TRIM28: variants seen among roughly 807,000 people sequenced by gnomAD.
TRIM28 encodes the protein tripartite motif containing 28.
Under a neutral mutation model 87.4 loss-of-function variants are expected in TRIM28, and 8 were observed. That is an observed-to-expected ratio of 0.09 (90% CI 0.05 to 0.17). The LOEUF (loss-of-function observed/expected upper bound fraction) is 0.17, where lower values mean the gene tolerates loss of function less well. Ranked by LOEUF, TRIM28 falls within the 10% of genes least tolerant of loss-of-function variation. The probability of loss-of-function intolerance (pLI) is 1.00; values close to 1 mark genes in which losing one functional copy is unlikely to be tolerated. For missense variants in TRIM28, 968 were observed against 1,131.8 expected, an observed-to-expected ratio of 0.86 and a Z score of 2.08; for synonymous variants, 601 against 454.3, an observed-to-expected ratio of 1.32 and a Z score of -4.11.
chr19:58,547,205 C>G (rs1279153332), intron 3 of TRIM28, 171 bp from the exon 4 acceptor site: 5 of 685,564 alleles, frequency 7.3e-6, no homozygotes, highest in Non-Finnish European at 1.2e-5. Context: ...ATTCTGGGAG[C>G]AAGGAGTTGG....
intron 3 of TRIM28, among the ~76,000 whole-genome samples, chr19:58,546,385 C>T (rs376093110): frequency 1.3e-5 from 2 of 152,264 alleles, no homozygotes; most frequent in African/African-American, 4.8e-5. Flanking sequence ...TTGGCATTTC[C>T]AGCTTTTCAC....
intron 15 of TRIM28, 53 bp downstream of exon 15, chr19:58,550,088 C>T (rs560181267): frequency 7.7e-5 from 124 of 1,613,464 alleles, no homozygotes; most frequent in Non-Finnish European, 1.0e-4. Flanking sequence ...GGGTCTCGCC[C>T]TCAACCTGTG....
In TRIM28 at chr19:58,550,004, A is replaced by G. The variant is rs1568663130; in HGVS notation, c.2162A>G (p.His721Arg). Residue 721 changes from histidine to arginine, a missense_variant, in exon 15 of 17, where the codon CAT becomes CGT. His to Arg is a conservative substitution (Grantham distance 29). Transcript: ENST00000253024. ...LFCHEPCRPL[H>R]QLATDSTFSL... ...TGTCACGAACCCTGCCGCCCCCTGC[A>G]TCAGCTGGCTACCGACTCCACCTTC... The G allele has an allele frequency of 6.2e-7, 1 of 1,614,080 alleles. No homozygotes were observed. Among genetic ancestry groups the G allele is most frequent in the African/African-American group, 1.3e-5 (1 of 74,996 alleles).
Position 58,548,286 on chromosome 19 carries a change from C to T in TRIM28, c.1102-8C>T. ...GCTCATTCTTTCCTCCCTTTCACTC[C>T]CAACCAGATCTACTTCCAGCTGCAC... is the stretch of plus-strand genomic sequence containing the variant. On this transcript the variant is annotated splice_polypyrimidine_tract_variant and splice_region_variant and intron_variant, in intron 7 of 16. Coordinates refer to ENST00000253024, the MANE Select transcript of TRIM28 (RefSeq NM_005762.3). The T allele has an allele frequency of 6.2e-7, 1 of 1,614,080 alleles. No homozygotes were observed. The highest frequency in any genetic ancestry group is 8.5e-7 in the Non-Finnish European group (1 of 1,179,992).
intron 3 of TRIM28, 140 bp downstream of exon 3, chr19:58,546,036 C>T (rs2053758372): frequency 1.8e-6 from 2 of 1,084,166 alleles, no homozygotes; most frequent in African/African-American, 1.6e-5. Context: ...GGCAGAACTC[C>T]AGAAGCAGAA....
chr19:58,545,942 G>A (rs1175046644), intron 3 of TRIM28, 46 bp downstream of exon 3: 2 of 1,558,048 alleles, frequency 1.3e-6, no homozygotes, highest in Non-Finnish European at 8.7e-7. Context: ...TCCCATGTGT[G>A]CCCTCAGTTG....
Position 58,545,493 on chromosome 19 carries a change from G to T in TRIM28, c.409G>T (p.Asp137Tyr). Reference sequence around the variant, plus strand: ...CATCGTGGAGAATTATTTCATGCGTGATAGTGGCAGCAAGGCTGCCACCGA... The same window carrying T: ...CATCGTGGAGAATTATTTCATGCGTTATAGTGGCAGCAAGGCTGCCACCGA... ...KDIVENYFMR[D>Y]SGSKAATDAQ... Residue 137 changes from aspartate (D) to tyrosine (Y), a missense_variant, in exon 2 of 17, where the codon GAT becomes TAT. Physicochemically the swap from Asp to Tyr is radical, Grantham distance 160. This residue lies in a region of TRIM28 where 51 missense variants were observed against 69.3 expected (regional missense o/e 0.74). Transcript: ENST00000253024. 6.2e-7 allele frequency: 1 copy of T among 1,606,388 alleles called. No homozygotes were observed. Among genetic ancestry groups the T allele is most frequent in the East Asian group, 2.2e-5 (1 of 44,602 alleles).
rs886426930 is a variant in TRIM28, at chr19:58,546,004, G to A, written c.586+108G>A. On this transcript the variant is annotated intron_variant, in intron 3 of 16. Coordinates refer to ENST00000253024, the MANE Select transcript of TRIM28 (RefSeq NM_005762.3). ...GGATGGGTCCTAGAGTTCTCTAGGG[G>A]GTGCCGCCCGAAGGGCCCGAGGGCA... 10 of 1,379,206 alleles carry A rather than the reference G, an allele frequency of 7.3e-6. No homozygotes were observed. In the South Asian group the frequency reaches 1.4e-4, roughly 20 times the overall value. 85.4% of individuals were successfully genotyped at this position (1,379,206 alleles called of 1,614,324 possible). A position where few individuals can be genotyped will look rare whatever the true frequency, so the allele number is the denominator to read the frequency against.
chr19:58,548,934 G>T, intron 11 of TRIM28, 24 bp downstream of exon 11: 3 of 1,614,078 alleles, frequency 1.9e-6, no homozygotes, highest in Non-Finnish European at 1.7e-6. Flanking sequence ...CTCCCCTGGG[G>T]GTGAGGTGGA....
chr19:58,549,970 G>T lies in TRIM28; in HGVS notation c.2128G>T (p.Ala710Ser), dbSNP rs756832302. ...GTAGAAATGTGAGCGTGTACTGCTG[G>T]CCCTATTCTGTCACGAACCCTGCCG... ...NQRKCERVLL[A>S]LFCHEPCRPL... Residue 710 changes from alanine (A) to serine (S), a missense_variant, in exon 15 of 17, where the codon GCC becomes TCC. Physicochemically the swap from Ala to Ser is moderately conservative, Grantham distance 99. Coordinates refer to ENST00000253024, the MANE Select transcript of TRIM28 (RefSeq NM_005762.3). This position sits in a 1 kb window ranked among gnomAD's most constrained non-coding sequence, Gnocchi z 4.4. 4 of 1,614,050 alleles carry T rather than the reference G, an allele frequency of 2.5e-6. No individual in the cohort carries two copies. The highest frequency in any genetic ancestry group is 3.4e-6 in the Non-Finnish European group (4 of 1,179,992).
chr19:58,548,825 A>G (rs773901363), intron 10 of TRIM28, 37 bp from the exon 11 acceptor site: 2 of 1,613,718 alleles, frequency 1.2e-6, no homozygotes, highest in Non-Finnish European at 1.7e-6. Context: ...TGCTGTTTCT[A>G]CCCCAACCTG....
chr19:58,547,084 G>A, intron 3 of TRIM28: 2 of 342,888 alleles, frequency 5.8e-6, no homozygotes, highest in Non-Finnish European at 1.1e-5. Context: ...GGTGGGGGGT[G>A]GGGTGGGGTG....
chr19:58,550,387 A>T lies in TRIM28; in HGVS notation c.2342A>T (p.Asp781Val). 2 of 1,613,988 alleles carry T rather than the reference A, an allele frequency of 1.2e-6. No homozygotes were observed. Among genetic ancestry groups the T allele is most frequent in the Non-Finnish European group, 1.7e-6 (2 of 1,179,888 alleles). ...QFNKLTEDKA[D>V]VQSIIGLQRF... is the part of the protein sequence containing the mutation. ...TCCTGCTTGGCCCAGGACAAGGCAG[A>T]CGTGCAGTCCATCATCGGCCTGCAG... Residue 781 changes from aspartate (D) to valine (V), a missense_variant, in exon 17 of 17, where the codon GAC (aspartate) becomes GTC (valine). Asp to Val is a radical substitution (Grantham distance 152). Around this residue, in one of 11 missense-constraint regions of TRIM28, gnomAD observed 192 missense variants for 225.6 expected, o/e 0.85. Transcript: ENST00000253024.
rs1283392941 is a variant in TRIM28 at position 58,550,537 on chromosome 19, C to G, written c.2492C>G (p.Pro831Arg). The G allele has an allele frequency of 4.4e-6, 7 of 1,608,662 alleles. No individual in the cohort carries two copies. The highest frequency in any genetic ancestry group is 5.1e-6 in the Non-Finnish European group (6 of 1,179,786). Residue 831 changes from proline (P) to arginine (R), a missense_variant, in exon 17 of 17, where the codon CCT becomes CGT. Transcript: ENST00000253024. The part of the protein sequence containing the change: ...GLSSQELSGG[P>R]GDGP Reference sequence around the variant, plus strand: ...AGTTCCCAGGAGCTGTCTGGTGGCCCTGGTGATGGCCCCTGAGGCTGGAGC... The same window carrying G: ...AGTTCCCAGGAGCTGTCTGGTGGCCGTGGTGATGGCCCCTGAGGCTGGAGC...
At chr19:58,550,124 G>GT in intron 15 of TRIM28, 23 bp from the exon 16 acceptor site, 1 of 1,613,762 alleles carries the variant, frequency 6.2e-7, no homozygotes, top group Non-Finnish European at 8.5e-7. Context: ...CTTTGTGTGT[G>GT]TATGTGTGAT....
At position 58,549,006 on chromosome 19, in the gene TRIM28, C is replaced by T. The variant is rs770378566; in HGVS notation, c.1428C>T (p.Gly476=). ...TCTACAGGTCCCGCTCAGGTGAGGG[C>T]GAGGTGAGCGGCCTTATGCGCAAGG... ...SGVKRSRSGE[G]EVSGLMRKVP... is the part of the protein sequence containing the mutation. The change falls in exon 12 of 17, where the codon GGC becomes GGT. Residue 476 remains glycine, a synonymous_variant. Transcript: ENST00000253024. This position sits in a 1 kb window ranked among gnomAD's most constrained non-coding sequence, Gnocchi z 4.4. 13 of 1,613,938 alleles carry T rather than the reference C, an allele frequency of 8.1e-6. No homozygotes were observed. The highest frequency in any genetic ancestry group is 6.7e-5 in the Admixed American group (4 of 60,002).
rs1227010435 is a variant in TRIM28 at position 58,548,399 on chromosome 19, G to C, written c.1207G>C (p.Glu403Gln). Reference protein sequence around the residue: ...WDLNAWTKSAEAFGKIVAERP... With the variant: ...WDLNAWTKSAQAFGKIVAERP... Reference sequence around the variant, plus strand: ...CCTCAATGCCTGGACCAAGAGTGCCGAGGCCTTTGGTGGGTCCCCAGCTTT... The same window carrying C: ...CCTCAATGCCTGGACCAAGAGTGCCCAGGCCTTTGGTGGGTCCCCAGCTTT... The change falls in exon 8 of 17, where the codon GAG (glutamate) becomes CAG (glutamine). Residue 403 changes from glutamate to glutamine, a missense_variant. Transcript: ENST00000253024. 6.2e-7 allele frequency: 1 copy of C among 1,613,984 alleles called. No individual in the cohort carries two copies. The highest frequency in any genetic ancestry group is 1.3e-5 in the African/African-American group (1 of 74,906).
chr19:58,550,045 A>G lies in TRIM28; in HGVS notation c.2193+10A>G. 2 of 1,613,900 alleles carry G rather than the reference A, an allele frequency of 1.2e-6. No individual in the cohort carries two copies. The highest frequency in any genetic ancestry group is 1.7e-6 in the Non-Finnish European group (2 of 1,179,948). ...CTCCACCTTCTCCCTGGTGAGTCCTAGGATGGGAAAGGGGAAGGGGGTGGT... is the reference window on the plus strand; with the variant it reads ...CTCCACCTTCTCCCTGGTGAGTCCTGGGATGGGAAAGGGGAAGGGGGTGGT... On this transcript the variant is annotated intron_variant, in intron 15 of 16. Coordinates refer to ENST00000253024, the MANE Select transcript of TRIM28 (RefSeq NM_005762.3).
chr19:58,544,918 G>T lies in TRIM28; in HGVS notation c.161G>T (p.Gly54Val), dbSNP rs1177628234. The T allele has an allele frequency of 1.6e-5, 23 of 1,405,298 alleles. No homozygotes were observed. Among genetic ancestry groups the T allele is most frequent in the Non-Finnish European group, 2.0e-5 (22 of 1,088,740 alleles). The allele number at this position is 1,405,298 out of a possible 1,614,324, so 87.1% of individuals were successfully genotyped here. A position where few individuals can be genotyped will look rare whatever the true frequency, so the allele number is the denominator to read the frequency against. The part of the protein sequence containing the change: ...ASAAASSPAG[G>V]GAEALELLEH... ...GCCGCGGCGTCGTCGCCCGCGGGGG[G>T]CGGCGCCGAGGCGCTGGAGCTGCTG... Residue 54 changes from glycine to valine, a missense_variant, in exon 1 of 17, where the codon GGC becomes GTC. This residue lies in a region of TRIM28 where 208 missense variants were observed against 170.9 expected (regional missense o/e 1.22). Coordinates refer to ENST00000253024, the MANE Select transcript of TRIM28 (RefSeq NM_005762.3).
Sources: allele counts gnomAD v4.1 joint callset (sites outside exome capture counted in the v4.1 genomes callset), GRCh38; gene constraint gnomAD v4.1.1; regional missense constraint gnomAD v4.1.1; non-coding constraint Gnocchi (gnomAD v3.1); transcripts MANE v1.5; gene names NCBI Gene and HGNC (gene_info 2026-07-23, HGNC 2026-07-21).